Variants in GPR149 observed in about 807,000 individuals in gnomAD.
GPR149 encodes G protein-coupled receptor 149, also known as probable G protein-coupled receptor 149.
GPR149 carries 50 observed loss-of-function variants against 50.2 expected under a neutral mutation model. The observed-to-expected ratio is 1.00, with a 90% CI of 0.79 to 1.26. The LOEUF (loss-of-function observed/expected upper bound fraction) is 1.26. GPR149 is among the 50% of genes most tolerant of loss of function. GPR149 has a pLI of 0.00. For missense variants in GPR149, 983 were observed against 895.4 expected (o/e 1.10, Z -1.25); for synonymous variants, 405 against 358.2 (o/e 1.13, Z -1.48).
chr3:154,387,977 G>A (rs571902782), intron 3 of GPR149, among the ~76,000 whole-genome samples: 1 of 152,116 alleles, frequency 6.6e-6, no homozygotes, highest in South Asian at 2.1e-4. Context: ...TTTTTAATGT[G>A]TGGGGACATT....
chr3:154,387,994 T>C (rs1033345842), intron 3 of GPR149, among the ~76,000 whole-genome samples: 4 of 152,208 alleles, frequency 2.6e-5, no homozygotes, highest in African/African-American at 4.8e-5. Context: ...CATTGATTTT[T>C]ATAACTTGCC....
At chr3:154,419,568 G>A (rs7631768) in intron 3 of GPR149, among the ~76,000 whole-genome samples, 19,324 of 151,972 alleles carry the variant, frequency 0.13, 1,360 homozygotes, top group East Asian at 0.24. Context: ...TATGTTAGAA[G>A]TACATACATT....
intron 2 of GPR149, among the ~76,000 whole-genome samples, chr3:154,422,350 A>G (rs548785292): frequency 1.3e-5 from 2 of 151,790 alleles, no homozygotes; most frequent in African/African-American, 4.8e-5. Context: ...TAAATGCTAG[A>G]TAAGTTTTAT....
intron 3 of GPR149, among the ~76,000 whole-genome samples, chr3:154,412,235 G>A (rs1711856384): frequency 1.3e-5 from 2 of 152,020 alleles, no homozygotes; most frequent in South Asian, 4.2e-4. Flanking sequence ...CAAATCCACA[G>A]CCAACATTAT....
intron 3 of GPR149, among the ~76,000 whole-genome samples, chr3:154,408,690 G>C (rs1711758597): frequency 6.6e-6 from 1 of 152,170 alleles, no homozygotes; most frequent in Non-Finnish European, 1.5e-5. Context: ...CCTGCCCAAG[G>C]AGAGGCTGAG....
chr3:154,413,508 A>G (rs1007022877), intron 3 of GPR149, among the ~76,000 whole-genome samples: 1 of 152,004 alleles, frequency 6.6e-6, no homozygotes, highest in African/African-American at 2.4e-5. Context: ...TGAATAGACA[A>G]TTCTCAAAAG....
At chr3:154,380,669 C>A (rs1398475997) in intron 3 of GPR149, among the ~76,000 whole-genome samples, 1 of 151,728 alleles carries the variant, frequency 6.6e-6, no homozygotes, top group Non-Finnish European at 1.5e-5. Context: ...CTGCCAATAT[C>A]CAACTCTATA....
chr3:154,408,580 C>T (rs1205508953), intron 3 of GPR149, among the ~76,000 whole-genome samples: 1 of 152,116 alleles, frequency 6.6e-6, no homozygotes, highest in Non-Finnish European at 1.5e-5. Flanking sequence ...TCCTGGTGAC[C>T]TGTGTGACTC....
At chr3:154,420,968 G>T in intron 3 of GPR149, 71 bp downstream of exon 3, 1 of 1,095,142 alleles carries the variant, frequency 9.1e-7, no homozygotes, top group Non-Finnish European at 1.3e-6. Flanking sequence ...ACAAACAACT[G>T]ATAATGTTTT....
intron 3 of GPR149, among the ~76,000 whole-genome samples, chr3:154,349,568 G>C (rs1294438431): frequency 2.0e-5 from 3 of 152,162 alleles, no homozygotes; most frequent in Non-Finnish European, 4.4e-5. Flanking sequence ...GAATAGCCCT[G>C]TAACTATTAA....
At chr3:154,362,105 T>C (rs1456816740) in intron 3 of GPR149, among the ~76,000 whole-genome samples, 1 of 151,858 alleles carries the variant, frequency 6.6e-6, no homozygotes, top group Non-Finnish European at 1.5e-5. Context: ...CTGGCTAACA[T>C]GGTGAAACCC....
chr3:154,404,870 T>G (rs78056814), intron 3 of GPR149, among the ~76,000 whole-genome samples: 4,438 of 92,438 alleles, frequency 0.048, 197 homozygotes, highest in African/African-American at 0.13. Context: ...ATCATCATCA[T>G]CATCAGCAGC....
intron 3 of GPR149, among the ~76,000 whole-genome samples, chr3:154,386,127 A>G (rs1715040276): frequency 3.9e-5 from 6 of 152,222 alleles, no homozygotes; most frequent in Admixed American, 3.9e-4. Flanking sequence ...GATATTTCAT[A>G]CTTTTATCTT....
chr3:154,354,656 A>T (rs924613754), intron 3 of GPR149: 4 of 234,614 alleles, frequency 1.7e-5, no homozygotes, highest in Non-Finnish European at 3.4e-5. Context: ...ACCATTTCTT[A>T]GTTTAAGCCC....
At chr3:154,374,219 G>A (rs1320283378) in intron 3 of GPR149, among the ~76,000 whole-genome samples, 3 of 122,162 alleles carry the variant, frequency 2.5e-5, no homozygotes, top group East Asian at 5.1e-4. Flanking sequence ...CTGTTGCCCA[G>A]GCTGGAGTGC....
intron 3 of GPR149, among the ~76,000 whole-genome samples, chr3:154,357,984 T>C (rs1714280630): frequency 6.6e-6 from 1 of 152,174 alleles, no homozygotes; most frequent in African/African-American, 2.4e-5. Flanking sequence ...GTTCATGTCC[T>C]TTGTAGGGAC....
intron 3 of GPR149, among the ~76,000 whole-genome samples, chr3:154,385,092 G>A (rs922836090): frequency 6.6e-6 from 1 of 152,194 alleles, no homozygotes; most frequent in African/African-American, 2.4e-5. Context: ...GGATAAAAGT[G>A]TGAGTGCATA....
chr3:154,365,652 C>T (rs1189161195), intron 3 of GPR149, among the ~76,000 whole-genome samples: 1 of 152,182 alleles, frequency 6.6e-6, no homozygotes, highest in East Asian at 1.9e-4. Flanking sequence ...CTAGAGATTT[C>T]TTCCACCAAA....
rs141401301 is a variant in GPR149, at chr3:154,352,920, C to T, written c.1624-14649G>A. ...ACCTGTGCATCCAGAGCGATGGATA[C>T]GGGCCTCAACATCCTGAGGAGGAGA... On this transcript the variant is annotated intron_variant, in intron 3 of 3. Transcript: ENST00000389740. 21 of 873,962 alleles carry T rather than the reference C, an allele frequency of 2.4e-5. 1 individual carries two copies. Among genetic ancestry groups the T allele is most frequent in the East Asian group, 7.2e-5 (3 of 41,692 alleles). 54.1% of individuals were successfully genotyped at this position (873,962 alleles called of 1,614,324 possible).
Sources: allele counts gnomAD v4.1 joint callset (sites outside exome capture counted in the v4.1 genomes callset), GRCh38; gene constraint gnomAD v4.1.1; transcripts MANE v1.5; gene names NCBI Gene and HGNC (gene_info 2026-07-23, HGNC 2026-07-21).